The following NTM variants were observed in gnomAD, a reference collection of about 807,000 sequenced individuals.
NTM encodes the protein neurotrimin.
Under a neutral mutation model 42.1 loss-of-function variants are expected in NTM, and 13 were observed. The ratio of observed to expected loss-of-function variants is 0.31; its 90% confidence interval spans 0.20 to 0.49. The LOEUF is 0.49. Ranked by LOEUF, NTM falls within the 20% of genes least tolerant of loss-of-function variation. The probability of loss-of-function intolerance (pLI) is 0.99; values close to 1 mark genes in which losing one functional copy is unlikely to be tolerated. For synonymous variants in NTM, 187 were observed against 179.2 expected (o/e 1.04, Z -0.35); for missense variants, 373 against 452.8 (o/e 0.82, Z 1.60).
intron 1 of NTM, among the ~76,000 whole-genome samples, chr11:131,823,635 G>A (rs1407935197): frequency 2.1e-5 from 3 of 144,810 alleles, no homozygotes; most frequent in Non-Finnish European, 4.4e-5. Flanking sequence ...AGGAAATATA[G>A]ACATAGAAAT....
intron 7 of NTM, 28 bp downstream of exon 7, chr11:132,314,731 AAGAGGGG>A (rs777708453): frequency 2.4e-5 from 38 of 1,598,624 alleles, no homozygotes; most frequent in South Asian, 8.0e-5. Context: ...GCTGGGCAAG[AAGAGGGG>A]AGAGGGTGCA....
rs192285804 is a variant in NTM, at chr11:131,916,448, G to A, written c.167+4800G>A. Among the ~76,000 whole-genome samples, 20 of 152,288 alleles carry A rather than the reference G, an allele frequency of 1.3e-4. No homozygotes were observed. In the East Asian group the frequency reaches 2.9e-3, roughly 22 times the overall value. On this transcript the variant is annotated intron_variant, in intron 2 of 8. Transcript: ENST00000683400. ...CGCGCCTCTAGACCATAGGCTTAGC[G>A]ATTGGATGATGTTGTTTTTCCCGGG...
At chr11:132,202,234 G>A (rs1316986923) in intron 3 of NTM, among the ~76,000 whole-genome samples, 2 of 152,046 alleles carry the variant, frequency 1.3e-5, no homozygotes, top group African/African-American at 2.4e-5. Flanking sequence ...TCAGTTTCTC[G>A]ACTACACGGT....
At chr11:131,595,417 C>T (rs960694032) in intron 1 of NTM, among the ~76,000 whole-genome samples, 1 of 152,212 alleles carries the variant, frequency 6.6e-6, no homozygotes, top group African/African-American at 2.4e-5. Flanking sequence ...CTTATGTGTC[C>T]TCACAAGCTA....
chr11:132,178,328 G>T (rs925438731), intron 3 of NTM, among the ~76,000 whole-genome samples: 1 of 152,132 alleles, frequency 6.6e-6, no homozygotes, highest in Non-Finnish European at 1.5e-5. Flanking sequence ...AAGCTACAAG[G>T]CTTCCTTTTT....
At chr11:131,482,561 TTGA>T (rs1953720803) in intron 1 of NTM, among the ~76,000 whole-genome samples, 1 of 152,154 alleles carries the variant, frequency 6.6e-6, no homozygotes, top group Non-Finnish European at 1.5e-5. Context: ...TCCATCATAT[TTGA>T]TGGCCACAGG....
chr11:132,122,540 G>A (rs946763345), intron 2 of NTM, among the ~76,000 whole-genome samples: 1 of 152,152 alleles, frequency 6.6e-6, no homozygotes, highest in Non-Finnish European at 1.5e-5. Flanking sequence ...ACTACCTGGC[G>A]GGGAGGAAAA....
intron 1 of NTM, among the ~76,000 whole-genome samples, chr11:131,841,244 T>TG (rs1275278647): frequency 6.6e-6 from 1 of 152,188 alleles, no homozygotes; most frequent in East Asian, 1.9e-4. Context: ...ACTTATTGTT[T>TG]GGGGAAGTAC....
intron 1 of NTM, among the ~76,000 whole-genome samples, chr11:131,851,682 C>T (rs75244705): frequency 6.6e-6 from 1 of 152,040 alleles, no homozygotes; most frequent in Admixed American, 6.6e-5. Flanking sequence ...ATACAAATGC[C>T]ATTGCAGCAC....
intron 1 of NTM, among the ~76,000 whole-genome samples, chr11:131,760,303 T>C (rs2083950249): frequency 6.6e-6 from 1 of 152,194 alleles, no homozygotes; most frequent in East Asian, 1.9e-4. Flanking sequence ...GCAGCGTTTT[T>C]ATAGACTTTC....
intron 1 of NTM, among the ~76,000 whole-genome samples, chr11:131,822,742 T>C (rs1167066045): frequency 1.3e-5 from 2 of 152,182 alleles, no homozygotes; most frequent in African/African-American, 2.4e-5. Flanking sequence ...TGCTTAATGA[T>C]ATTCCATAGG....
intron 1 of NTM, among the ~76,000 whole-genome samples, chr11:131,835,530 C>T (rs542632698): frequency 2.8e-4 from 42 of 151,976 alleles, no homozygotes; most frequent in African/African-American, 8.9e-4. Flanking sequence ...GTTTAAACCA[C>T]GATGATATAT....
chr11:131,990,191 A>G (rs1026048273), intron 2 of NTM, among the ~76,000 whole-genome samples: 1 of 152,144 alleles, frequency 6.6e-6, no homozygotes, highest in Non-Finnish European at 1.5e-5. Flanking sequence ...CTCATAGCTG[A>G]TAAATGGAAA....
chr11:131,501,219 G>A (rs1459191925), intron 1 of NTM, among the ~76,000 whole-genome samples: 1 of 152,142 alleles, frequency 6.6e-6, no homozygotes, highest in East Asian at 1.9e-4. Context: ...AAGGCAGGAA[G>A]CAAATCCTGT....
chr11:131,725,540 CAG>C (rs2078858664), intron 1 of NTM, among the ~76,000 whole-genome samples: 1 of 152,016 alleles, frequency 6.6e-6, no homozygotes, highest in East Asian at 1.9e-4. Context: ...GCATCCCAGG[CAG>C]AGGAGGCAGC....
intron 1 of NTM, chr11:131,502,746 C>T (rs945763797): frequency 6.6e-6 from 1 of 152,116 alleles, no homozygotes; most frequent in Non-Finnish European, 1.5e-5. Flanking sequence ...TTTTGCCTCC[C>T]TTGTTTATTG....
At chr11:131,706,796 AAACAT>A (rs1162734442) in intron 1 of NTM, among the ~76,000 whole-genome samples, 1 of 152,054 alleles carries the variant, frequency 6.6e-6, no homozygotes, top group African/African-American at 2.4e-5. Context: ...ACAAACATGA[AAACAT>A]AACATACCAA....
intron 1 of NTM, among the ~76,000 whole-genome samples, chr11:131,756,456 G>A (rs573954822): frequency 4.8e-4 from 73 of 151,840 alleles, no homozygotes; most frequent in African/African-American, 1.7e-3. Flanking sequence ...CTCTGGAGAC[G>A]GAGGTTGCAG....
intron 3 of NTM, among the ~76,000 whole-genome samples, chr11:132,177,106 T>C (rs2076942887): frequency 6.6e-6 from 1 of 152,210 alleles, no homozygotes; most frequent in African/African-American, 2.4e-5. Flanking sequence ...AATGCTGGAT[T>C]GCATGGATTA....
Sources: gnomAD v4.1 joint callset for allele counts (sites outside exome capture counted in the v4.1 genomes callset) on GRCh38, gnomAD v4.1.1 for gene constraint, MANE v1.5 for transcripts, NCBI Gene and HGNC (gene_info 2026-07-23, HGNC 2026-07-21) for gene names.